The following GALNT17 variants were observed in gnomAD, a reference collection of about 807,000 sequenced individuals.
GALNT17 encodes the protein polypeptide N-acetylgalactosaminyltransferase 17, also known as UDP-GalNAc:polypeptide N-acetylgalactosaminyltransferase-like 3.
Under a neutral mutation model 63.7 loss-of-function variants are expected in GALNT17, and 29 were observed. The ratio of observed to expected loss-of-function variants is 0.46; its 90% CI spans 0.34 to 0.62. The LOEUF (loss-of-function observed/expected upper bound fraction) is 0.62, where lower values mean the gene tolerates loss of function less well. Among genes scored for constraint, GALNT17 ranks in the 20% least tolerant of loss-of-function variants. GALNT17 has a pLI of 0.01. For missense variants in GALNT17, 603 were observed against 799.6 expected, an observed-to-expected ratio of 0.75 and a Z score of 2.97; for synonymous variants, 305 against 318.3, an observed-to-expected ratio of 0.96 and a Z score of 0.45.
intron 6 of GALNT17, among the ~76,000 whole-genome samples, chr7:71,653,084 C>T (rs1462419355): frequency 2.0e-5 from 3 of 152,128 alleles, no homozygotes; most frequent in Non-Finnish European, 2.9e-5. Context: ...GGCACAATCT[C>T]GGCTCACTGC....
chr7:71,459,172 G>A (rs1787408423), intron 5 of GALNT17, among the ~76,000 whole-genome samples: 1 of 152,138 alleles, frequency 6.6e-6, no homozygotes, highest in African/African-American at 2.4e-5. Context: ...AAATCAGACA[G>A]CCTACAGAAG....
At chr7:71,516,070 T>C (rs1788440234) in intron 5 of GALNT17, among the ~76,000 whole-genome samples, 3 of 152,052 alleles carry the variant, frequency 2.0e-5, no homozygotes, top group African/African-American at 7.2e-5. Context: ...AAGATGAACA[T>C]ATGGTAGAGG....
In GALNT17 at chr7:71,132,951, A is replaced by G. The variant is rs1562847986; in HGVS notation, c.149A>G (p.Asn50Ser). The G allele has an allele frequency of 3.7e-6, 6 of 1,610,252 alleles. 1 individual carries two copies. The highest frequency in any genetic ancestry group is 2.2e-5 in the East Asian group (1 of 44,790). The part of the protein sequence containing the change: ...HEIRPRAEVA[N>S]LSAHSASPIQ... ...ATCCGGCCGCGCGCCGAGGTGGCCA[A>G]CCTCAGCGCGCACAGCGCCAGCCCC... The change falls in exon 1 of 11, where the codon AAC becomes AGC. Residue 50 changes from asparagine to serine, a missense_variant. Coordinates refer to ENST00000333538, the MANE Select transcript of GALNT17 (RefSeq NM_022479.3).
chr7:71,303,874 A>G (rs1791243065), intron 1 of GALNT17, among the ~76,000 whole-genome samples: 1 of 152,160 alleles, frequency 6.6e-6, no homozygotes, highest in African/African-American at 2.4e-5. Context: ...GCAGGATCCA[A>G]ATAATAGCTA....
At chr7:71,456,613 A>G (rs1454128073) in intron 5 of GALNT17, among the ~76,000 whole-genome samples, 4 of 151,926 alleles carry the variant, frequency 2.6e-5, no homozygotes, top group East Asian at 1.9e-4. Context: ...AATCCCAGCT[A>G]CTCAGGAGGC....
intron 1 of GALNT17, among the ~76,000 whole-genome samples, chr7:71,166,790 G>A (rs904694428): frequency 6.6e-6 from 1 of 152,136 alleles, no homozygotes; most frequent in Non-Finnish European, 1.5e-5. Flanking sequence ...AAACTGTCAT[G>A]TACTAAATAA....
chr7:71,369,984 G>A (rs1792592052), intron 2 of GALNT17, among the ~76,000 whole-genome samples: 2 of 152,180 alleles, frequency 1.3e-5, no homozygotes, highest in Non-Finnish European at 2.9e-5. Context: ...TAGGGTGGAA[G>A]TGAGGTCTAG....
At chr7:71,668,740 A>G (rs1045497480) in intron 7 of GALNT17, among the ~76,000 whole-genome samples, 2 of 152,102 alleles carry the variant, frequency 1.3e-5, no homozygotes, top group South Asian at 4.1e-4. Context: ...ATTCCTGGCC[A>G]TCTTGCAGCT....
At chr7:71,652,715 G>T (rs958871789) in intron 6 of GALNT17, among the ~76,000 whole-genome samples, 10 of 152,184 alleles carry the variant, frequency 6.6e-5, no homozygotes, top group Non-Finnish European at 1.3e-4. Context: ...CAATGTAAAT[G>T]GATTTAAATG....
chr7:71,200,493 T>A (rs938063020), intron 1 of GALNT17, among the ~76,000 whole-genome samples: 2 of 152,188 alleles, frequency 1.3e-5, no homozygotes, highest in African/African-American at 4.8e-5. Flanking sequence ...AGAGGCTGGA[T>A]TTTAAGTGTT....
intron 6 of GALNT17, among the ~76,000 whole-genome samples, chr7:71,576,710 A>G (rs549667744): frequency 4.6e-5 from 7 of 152,254 alleles, no homozygotes; most frequent in African/African-American, 1.7e-4. Context: ...AGCTGGGACT[A>G]CAGGCACACA....
intron 5 of GALNT17, among the ~76,000 whole-genome samples, chr7:71,462,157 G>A (rs748108482): frequency 2.0e-5 from 3 of 152,118 alleles, no homozygotes; most frequent in Non-Finnish European, 4.4e-5. Flanking sequence ...TGCCTGGTGG[G>A]GCACTGTGGG....
chr7:71,248,807 A>G (rs1790146136), intron 1 of GALNT17, among the ~76,000 whole-genome samples: 1 of 152,180 alleles, frequency 6.6e-6, no homozygotes, highest in Non-Finnish European at 1.5e-5. Context: ...CGGTATCTAC[A>G]GACAGGCAAG....
intron 5 of GALNT17, among the ~76,000 whole-genome samples, chr7:71,555,811 G>A (rs1789154769): frequency 1.3e-5 from 2 of 152,242 alleles, no homozygotes; most frequent in South Asian, 4.1e-4. Context: ...GGCTTCACCG[G>A]TCTGCTGTCC....
intron 5 of GALNT17, among the ~76,000 whole-genome samples, chr7:71,468,837 T>C (rs1314703290): frequency 1.3e-5 from 2 of 152,302 alleles, no homozygotes; most frequent in South Asian, 4.1e-4. Context: ...TAGAGTATAA[T>C]GCATTCATTC....
chr7:71,204,712 T>C (rs185006744), intron 1 of GALNT17, among the ~76,000 whole-genome samples: 1 of 151,936 alleles, frequency 6.6e-6, no homozygotes, highest in African/African-American at 2.4e-5. Flanking sequence ...ACTACCGGCA[T>C]GCACCACCAT....
chr7:71,702,927 G>C (rs985246155), intron 9 of GALNT17, among the ~76,000 whole-genome samples: 6 of 152,222 alleles, frequency 3.9e-5, no homozygotes, highest in African/African-American at 1.4e-4. Flanking sequence ...GGTTACACAA[G>C]AGGATCAGTT....
In GALNT17 at chr7:71,452,135, T is replaced by A. The variant is rs370047839; in HGVS notation, c.962+31030T>A. Among the ~76,000 whole-genome samples the A allele has an allele frequency of 5.3e-5, 8 of 152,166 alleles. No homozygotes were observed. The East Asian group carries it at 1.5e-3, about 29-fold the overall frequency. On this transcript the variant is annotated intron_variant, in intron 5 of 10. Coordinates refer to ENST00000333538, the MANE Select transcript of GALNT17 (RefSeq NM_022479.3). The stretch of plus-strand genomic sequence containing the variant: ...GCGCACACCTGTAGTCCCAGCTTCT[T>A]GGGAGTCTGAGATGGGAGGATCACT...
intron 4 of GALNT17, among the ~76,000 whole-genome samples, chr7:71,419,977 G>T (rs760468093): frequency 9.9e-5 from 15 of 152,222 alleles, no homozygotes; most frequent in Non-Finnish European, 1.6e-4. Flanking sequence ...GTTGTCGACT[G>T]TGTGTTCTCA....
Sources: gnomAD v4.1 joint callset for allele counts (sites outside exome capture counted in the v4.1 genomes callset) on GRCh38, gnomAD v4.1.1 for gene constraint, MANE v1.5 for transcripts, NCBI Gene and HGNC (gene_info 2026-07-23, HGNC 2026-07-21) for gene names.